KCNN2: variants seen among roughly 807,000 people sequenced by gnomAD.
The protein encoded by KCNN2 is small conductance calcium-activated potassium channel protein 2.
In KCNN2, 24 loss-of-function variants were observed where a neutral mutation model predicts 55.5. The observed-to-expected ratio is 0.43, with a 90% CI of 0.31 to 0.61. The LOEUF is 0.61. KCNN2 is among the 20% of genes least tolerant of loss of function. The pLI, the probability that KCNN2 is intolerant of heterozygous loss-of-function variation, is 0.08. For missense variants in KCNN2, 754 were observed against 853.6 expected, an observed-to-expected ratio of 0.88 and a Z score of 1.45; for synonymous variants, 431 against 336.1, an observed-to-expected ratio of 1.28 and a Z score of -3.09.
chr5:114,464,587 G>A (rs575399394), intron 4 of KCNN2, among the ~76,000 whole-genome samples: 17 of 152,216 alleles, frequency 1.1e-4, no homozygotes, highest in East Asian at 5.8e-4. Context: ...GAAGGAGAGC[G>A]TGCCCTTGGC....
intron 5 of KCNN2, among the ~76,000 whole-genome samples, chr5:114,486,499 C>T (rs1175407980): frequency 3.9e-5 from 6 of 152,134 alleles, no homozygotes; most frequent in Non-Finnish European, 7.4e-5. Flanking sequence ...AAAATCATAA[C>T]GTAGACTCCG....
chr5:114,484,512 C>T (rs1454865431), intron 5 of KCNN2, among the ~76,000 whole-genome samples: 1 of 151,990 alleles, frequency 6.6e-6, no homozygotes, highest in Non-Finnish European at 1.5e-5. Flanking sequence ...CCCATTTTTC[C>T]TGGAAGTTTA....
At chr5:114,317,819 C>T in intron 2 of KCNN2, among the ~76,000 whole-genome samples, 1 of 152,220 alleles carries the variant, frequency 6.6e-6, no homozygotes, top group South Asian at 2.1e-4. Context: ...ACAATACTCA[C>T]ATATTTAGCA....
At chr5:114,064,815 A>C (rs991369703) in intron 1 of KCNN2, among the ~76,000 whole-genome samples, 2 of 152,172 alleles carry the variant, frequency 1.3e-5, no homozygotes, top group African/African-American at 4.8e-5. Context: ...GTTACTGTAT[A>C]TTAGAAGGGA....
At chr5:114,268,260 C>T (rs1216688945) in intron 2 of KCNN2, among the ~76,000 whole-genome samples, 1 of 152,218 alleles carries the variant, frequency 6.6e-6, no homozygotes, top group East Asian at 1.9e-4. Flanking sequence ...TTACATTTTC[C>T]TGATCTCAGT....
rs541513153 is a variant in KCNN2 at position 114,451,202 on chromosome 5, C to T, written c.1638-11847C>T. The stretch of plus-strand genomic sequence containing the variant: ...ACCTCTTTGTCCTCTCAGGGAAACA[C>T]GATAAATGTAATTCTTCAAGTTTGA... On this transcript the variant is annotated intron_variant, in intron 3 of 7. Coordinates refer to ENST00000673685, the MANE Select transcript of KCNN2 (RefSeq NM_021614.4). 1.4e-4 allele frequency among the ~76,000 whole-genome samples: 22 copies of T among 152,296 alleles called. 1 individual carries two copies. In the South Asian group the frequency reaches 3.1e-3, roughly 22 times the overall value.
chr5:114,112,966 T>G (rs1247274899), intron 1 of KCNN2, among the ~76,000 whole-genome samples: 4 of 152,006 alleles, frequency 2.6e-5, no homozygotes, highest in Non-Finnish European at 5.9e-5. Flanking sequence ...TTTAATCAAA[T>G]AGCCAGAGTC....
At chr5:114,158,731 T>C (rs1160220814) in intron 1 of KCNN2, among the ~76,000 whole-genome samples, 1 of 151,408 alleles carries the variant, frequency 6.6e-6, no homozygotes, top group Non-Finnish European at 1.5e-5. Context: ...CCCTTGTAAG[T>C]TGGATTCCTA....
At chr5:114,219,526 G>T (rs1334534297) in intron 1 of KCNN2, among the ~76,000 whole-genome samples, 1 of 152,136 alleles carries the variant, frequency 6.6e-6, no homozygotes, top group Non-Finnish European at 1.5e-5. Context: ...AAGTTAAACT[G>T]TCAAGGTGTC....
intron 2 of KCNN2, among the ~76,000 whole-genome samples, chr5:114,226,319 C>G (rs773800915): frequency 6.6e-6 from 1 of 151,870 alleles, no homozygotes; most frequent in Non-Finnish European, 1.5e-5. Context: ...TACAGTATAT[C>G]GATTTATATT....
At chr5:114,203,892 TG>T (rs1330715309) in intron 1 of KCNN2, among the ~76,000 whole-genome samples, 2 of 152,224 alleles carry the variant, frequency 1.3e-5, no homozygotes, top group African/African-American at 4.8e-5. Flanking sequence ...ACGGATCACA[TG>T]GGTAGCAACT....
chr5:114,099,485 A>G (rs1454935131), intron 1 of KCNN2, among the ~76,000 whole-genome samples: 1 of 152,146 alleles, frequency 6.6e-6, no homozygotes, highest in Non-Finnish European at 1.5e-5. Flanking sequence ...TTTCTTGAAA[A>G]GACAGGATCT....
intron 2 of KCNN2, among the ~76,000 whole-genome samples, chr5:114,315,288 T>C (rs1469024727): frequency 6.6e-6 from 1 of 152,160 alleles, no homozygotes; most frequent in Non-Finnish European, 1.5e-5. Flanking sequence ...TAGTTTGGGT[T>C]CTTTGGATAT....
At chr5:114,372,252 T>C (rs771179929) in intron 2 of KCNN2, among the ~76,000 whole-genome samples, 2 of 152,150 alleles carry the variant, frequency 1.3e-5, no homozygotes, top group Admixed American at 6.6e-5. Flanking sequence ...TTTCCTAGTT[T>C]TGTGCTAGCT....
intron 2 of KCNN2, among the ~76,000 whole-genome samples, chr5:114,248,951 G>A (rs1269971495): frequency 6.6e-6 from 1 of 152,172 alleles, no homozygotes; most frequent in Non-Finnish European, 1.5e-5. Flanking sequence ...ATTATGCCAT[G>A]ACAGCAGGTG....
intron 2 of KCNN2, among the ~76,000 whole-genome samples, chr5:114,263,515 A>G (rs1424514474): frequency 1.3e-5 from 2 of 151,284 alleles, no homozygotes; most frequent in Non-Finnish European, 2.9e-5. Flanking sequence ...TTGCCACCCT[A>G]TGGATCGGAT....
rs535376747 is a variant in KCNN2 at position 114,182,697 on chromosome 5, C to T, written c.-270-38783C>T. Among the ~76,000 whole-genome samples the T allele has an allele frequency of 1.6e-4, 24 of 152,126 alleles. No individual in the cohort carries two copies. In the South Asian group the frequency reaches 4.8e-3, roughly 30 times the overall value. On this transcript the variant is annotated intron_variant, in intron 1 of 10. Transcript: ENST00000512097. ...TGTTAGCTGCAAATATGTAACAATA[C>T]AACTTATTTTTATATATTAGCCTTG...
upstream of KCNN2, chr5:114,362,059 C>T (rs1197502148): frequency 6.5e-6 from 1 of 153,574 alleles, no homozygotes; most frequent in Non-Finnish European, 1.5e-5. Flanking sequence ...GCACCAGCAG[C>T]AGGAGTCCCC....
chr5:114,432,181 A>G (rs757895922), intron 3 of KCNN2, among the ~76,000 whole-genome samples: 15 of 152,224 alleles, frequency 9.9e-5, no homozygotes, highest in Non-Finnish European at 1.9e-4. Flanking sequence ...GAAATCTCCA[A>G]CTATGATAGT....
Sources: gnomAD v4.1 joint callset for allele counts (sites outside exome capture counted in the v4.1 genomes callset) on GRCh38, gnomAD v4.1.1 for gene constraint, MANE v1.5 for transcripts, NCBI Gene and HGNC (gene_info 2026-07-23, HGNC 2026-07-21) for gene names.